The following AGBL3 variants were observed in gnomAD, a reference collection of about 807,000 sequenced individuals.
AGBL3 encodes AGBL carboxypeptidase 3, also known as cytosolic carboxypeptidase 3.
In AGBL3, 68 loss-of-function variants were observed where a neutral mutation model predicts 94.5. The observed-to-expected ratio is 0.72, with a 90% CI of 0.59 to 0.88. The LOEUF (loss-of-function observed/expected upper bound fraction) is 0.88. AGBL3 is among the 40% of genes least tolerant of loss of function. The pLI, the probability that AGBL3 is intolerant of heterozygous loss-of-function variation, is 0.00. For synonymous variants in AGBL3, 354 were observed against 370.7 expected (o/e 0.95, Z 0.52); for missense variants, 934 against 1,103.8 (o/e 0.85, Z 2.18).
chr7:135,071,078 G>A (rs1050773219), intron 12 of AGBL3, among the ~76,000 whole-genome samples: 6 of 151,872 alleles, frequency 4.0e-5, no homozygotes, highest in Admixed American at 6.6e-5. Context: ...CTTATACAGC[G>A]ATAACAGACA....
intron 5 of AGBL3, among the ~76,000 whole-genome samples, chr7:135,030,890 G>C (rs1214518828): frequency 6.6e-6 from 1 of 151,954 alleles, no homozygotes; most frequent in Non-Finnish European, 1.5e-5. Flanking sequence ...ATATGTTTAT[G>C]GCATACAAAA....
chr7:134,996,857 T>C (rs1048372843), intron 4 of AGBL3, among the ~76,000 whole-genome samples: 2 of 152,166 alleles, frequency 1.3e-5, no homozygotes, highest in Non-Finnish European at 2.9e-5. Context: ...TAAAAGCAAA[T>C]AGTTTATGAG....
chr7:135,023,816 C>A (rs960362132), intron 5 of AGBL3, among the ~76,000 whole-genome samples: 1 of 152,234 alleles, frequency 6.6e-6, no homozygotes, highest in Non-Finnish European at 1.5e-5. Context: ...ATGTGCACAG[C>A]ACAGCCTCCT....
chr7:135,031,609 A>G (rs1815751250), intron 5 of AGBL3, among the ~76,000 whole-genome samples: 1 of 152,130 alleles, frequency 6.6e-6, no homozygotes, highest in Non-Finnish European at 1.5e-5. Flanking sequence ...CAGGCAATTA[A>G]ATTGCTGGCA....
intron 15 of AGBL3, among the ~76,000 whole-genome samples, chr7:135,096,584 C>CATAGATACATAG (rs1822813714): frequency 2.3e-5 from 2 of 88,816 alleles, no homozygotes; most frequent in African/African-American, 7.9e-5. Context: ...TAGATAGATA[C>CATAGATACATAG]ATAGATAGAT....
intron 4 of AGBL3, among the ~76,000 whole-genome samples, chr7:134,998,725 C>T: frequency 6.6e-6 from 1 of 152,142 alleles, no homozygotes; most frequent in South Asian, 2.1e-4. Flanking sequence ...ACAGTCCACC[C>T]CGTTAGGCCC....
intron 16 of AGBL3, among the ~76,000 whole-genome samples, chr7:135,132,751 T>G (rs572228943): frequency 2.2e-4 from 33 of 152,298 alleles, no homozygotes; most frequent in African/African-American, 7.7e-4. Context: ...ATGTAAGACA[T>G]GACTTTGCTC....
At chr7:135,005,625 T>C (rs1812291977) in intron 4 of AGBL3, among the ~76,000 whole-genome samples, 1 of 151,778 alleles carries the variant, frequency 6.6e-6, no homozygotes, top group Admixed American at 6.6e-5. Context: ...ATGGAAAGGC[T>C]AAAGAACTAA....
intron 13 of AGBL3, among the ~76,000 whole-genome samples, chr7:135,078,563 C>T (rs957184311): frequency 4.6e-5 from 7 of 151,942 alleles, no homozygotes; most frequent in Non-Finnish European, 8.8e-5. Context: ...ATAAATATAT[C>T]CACAGAGTGG....
At chr7:135,098,159 A>G (rs1466560555) in intron 15 of AGBL3, among the ~76,000 whole-genome samples, 3 of 152,164 alleles carry the variant, frequency 2.0e-5, no homozygotes, top group African/African-American at 7.2e-5. Context: ...CTGGAAACCA[A>G]TTCCTACAAG....
intron 4 of AGBL3, among the ~76,000 whole-genome samples, chr7:135,002,852 T>C (rs1441738347): frequency 1.3e-5 from 2 of 152,198 alleles, no homozygotes; most frequent in African/African-American, 4.8e-5. Flanking sequence ...GAACATTTTA[T>C]CTACTGACTT....
At chr7:135,065,086 C>T (rs965542372) in intron 12 of AGBL3, among the ~76,000 whole-genome samples, 6 of 152,170 alleles carry the variant, frequency 3.9e-5, no homozygotes, top group Admixed American at 3.3e-4. Context: ...TTGAGACATC[C>T]TCCTATATAG....
rs562593186 is a variant in AGBL3, at chr7:135,034,755, A to T, written c.1164A>T (p.Ala388=). The T allele has an allele frequency of 5.2e-6, 8 of 1,551,618 alleles. No homozygotes were observed. In the Admixed American group the frequency reaches 1.2e-4, roughly 23 times the overall value. Residue 388 remains alanine, a synonymous_variant, in exon 7 of 17, where the codon GCA becomes GCT. Coordinates refer to ENST00000436302, the MANE Select transcript of AGBL3 (RefSeq NM_178563.4). ...ATATTTTAGGAAACTCAAGTGATGCACAGTTGCTTCGGGACACTTTTGTCT... is the reference window on the plus strand; with the variant it reads ...ATATTTTAGGAAACTCAAGTGATGCTCAGTTGCTTCGGGACACTTTTGTCT... The part of the protein sequence containing the change: ...LDYILGNSSD[A]QLLRDTFVFK...
At chr7:135,002,994 T>G (rs1811917039) in intron 4 of AGBL3, among the ~76,000 whole-genome samples, 1 of 152,218 alleles carries the variant, frequency 6.6e-6, no homozygotes, top group East Asian at 1.9e-4. Flanking sequence ...ATGCTATTTT[T>G]CTCAGTTTTT....
At chr7:135,096,305 G>C (rs1330684309) in intron 15 of AGBL3, among the ~76,000 whole-genome samples, 1 of 151,506 alleles carries the variant, frequency 6.6e-6, no homozygotes, top group Non-Finnish European at 1.5e-5. Flanking sequence ...ACCAATGCCA[G>C]CATGGCCCAA....
chr7:135,062,336 G>C (rs1034922286), intron 12 of AGBL3, among the ~76,000 whole-genome samples: 2 of 151,802 alleles, frequency 1.3e-5, no homozygotes, highest in Admixed American at 1.3e-4. Context: ...TCCAAACAAG[G>C]ACAATTTAAC....
At chr7:134,994,981 C>T (rs1234422608) in intron 4 of AGBL3, among the ~76,000 whole-genome samples, 1 of 152,096 alleles carries the variant, frequency 6.6e-6, no homozygotes, top group Admixed American at 6.6e-5. Context: ...CTGCTACCAC[C>T]CCCTCCAACC....
chr7:135,131,340 T>C (rs1237294694), intron 16 of AGBL3, among the ~76,000 whole-genome samples: 3 of 151,814 alleles, frequency 2.0e-5, no homozygotes, highest in Admixed American at 1.3e-4. Context: ...GGAGGGAACA[T>C]AGAGGATGTG....
Position 135,043,959 on chromosome 7 carries a change from T to C in AGBL3, c.1501-66T>C, listed in dbSNP as rs1265857496. ...TGCATAACCACTTTATCATTTTTAA[T>C]ACTACTTTCAAAAAAAGATATCGGT... On this transcript the variant is annotated intron_variant, in intron 8 of 16. Coordinates refer to ENST00000436302, the MANE Select transcript of AGBL3 (RefSeq NM_178563.4). 12 of 1,504,972 alleles carry C rather than the reference T, an allele frequency of 8.0e-6. No homozygotes were observed. The East Asian group carries it at 2.3e-4, about 29-fold the overall frequency. The allele number at this position is 1,504,972 out of a possible 1,614,324, so 93.2% of individuals were successfully genotyped here.
Sources: gnomAD v4.1 joint callset for allele counts (sites outside exome capture counted in the v4.1 genomes callset) on GRCh38, gnomAD v4.1.1 for gene constraint, MANE v1.5 for transcripts, NCBI Gene and HGNC (gene_info 2026-07-23, HGNC 2026-07-21) for gene names.